PDE8B: variants seen among roughly 807,000 people sequenced by gnomAD.
PDE8B encodes phosphodiesterase 8B.
PDE8B carries 26 observed loss-of-function variants against 101.3 expected under a neutral mutation model. That is an observed-to-expected ratio of 0.26 (90% CI 0.19 to 0.36). The LOEUF (loss-of-function observed/expected upper bound fraction) is 0.36. PDE8B is among the 10% of genes least tolerant of loss of function. The pLI is 1.00. For missense variants in PDE8B, 810 were observed against 1,163.1 expected (o/e 0.70, Z 4.42); for synonymous variants, 424 against 429.3 (o/e 0.99, Z 0.15).
intron 1 of PDE8B, among the ~76,000 whole-genome samples, chr5:77,282,611 A>C (rs192000797): frequency 1.3e-5 from 2 of 152,074 alleles, no homozygotes; most frequent in East Asian, 2.0e-4. Flanking sequence ...AGAGCCTCCT[A>C]TCTGCTGCTC....
chr5:77,427,838 CTT>C lies in PDE8B; in HGVS notation c.*1286_*1287del, dbSNP rs1407450782. 4 of 152,136 alleles carry C rather than the reference CTT, an allele frequency of 2.6e-5. No individual in the cohort carries two copies. Among genetic ancestry groups the C allele is most frequent in the African/African-American group, 7.2e-5 (3 of 41,454 alleles). The allele number at this position is 152,136 out of a possible 1,614,324, so 9.4% of individuals were successfully genotyped here. A position where few individuals can be genotyped will look rare whatever the true frequency, so the allele number is the denominator to read the frequency against. On this transcript the variant is annotated 3_prime_UTR_variant, in exon 22 of 22. Coordinates refer to ENST00000264917, the MANE Select transcript of PDE8B (RefSeq NM_003719.5). ...GACTCCGTAAACAAACTTCATTTTT[CTT>C]TCTCTGTACTTCATGCTGCATTTTT...
At chr5:77,325,392 A>G (rs1488198900) in intron 2 of PDE8B, 147 bp from the exon 3 acceptor site, 1 of 744,972 alleles carries the variant, frequency 1.3e-6, no homozygotes, top group Non-Finnish European at 2.3e-6. Context: ...CTGGTCTTGA[A>G]CACCTGGGCT....
At chr5:77,397,869 G>A (rs1254824748) in intron 10 of PDE8B, among the ~76,000 whole-genome samples, 1 of 152,038 alleles carries the variant, frequency 6.6e-6, no homozygotes, top group East Asian at 1.9e-4. Context: ...TAGGTACAAG[G>A]TCAGCAACTC....
intron 10 of PDE8B, among the ~76,000 whole-genome samples, chr5:77,391,366 A>G (rs1433181015): frequency 6.6e-6 from 1 of 152,160 alleles, no homozygotes; most frequent in African/African-American, 2.4e-5. Flanking sequence ...AGGGTTCCTG[A>G]CGGCAGATGC....
At chr5:77,280,600 GC>G (rs1276941223) in intron 1 of PDE8B, among the ~76,000 whole-genome samples, 1 of 152,162 alleles carries the variant, frequency 6.6e-6, no homozygotes, top group Non-Finnish European at 1.5e-5. Context: ...CTGTTGGGTA[GC>G]AGTTCACAGA....
intron 1 of PDE8B, among the ~76,000 whole-genome samples, chr5:77,279,904 G>T (rs890464264): frequency 2.0e-5 from 3 of 152,142 alleles, no homozygotes; most frequent in African/African-American, 7.2e-5. Context: ...CTTGTCTTAT[G>T]CTGCACTTGA....
At chr5:77,129,727 G>A in the PDE8B span, among the ~76,000 whole-genome samples, 2 of 152,140 alleles carry the variant, frequency 1.3e-5, no homozygotes, top group African/African-American at 4.8e-5. Flanking sequence ...TTCTTGGACT[G>A]TGGGATGCGG....
intron 20 of PDE8B, among the ~76,000 whole-genome samples, chr5:77,424,248 C>T (rs866332778): frequency 6.6e-6 from 1 of 152,170 alleles, no homozygotes; most frequent in Non-Finnish European, 1.5e-5. Flanking sequence ...CGTACTACTC[C>T]TAGTTGTTCT....
the PDE8B span, chr5:77,113,233 A>G: frequency 6.6e-6 from 1 of 152,258 alleles, no homozygotes; most frequent in Non-Finnish European, 1.5e-5. Context: ...AGCAAAAAGA[A>G]CAAACCTGGA....
chr5:77,160,160 C>T, the PDE8B span, among the ~76,000 whole-genome samples: 2 of 152,086 alleles, frequency 1.3e-5, no homozygotes, highest in Non-Finnish European at 2.9e-5. Context: ...GAATATTGTA[C>T]CAATTTACAT....
chr5:77,412,502 C>A (rs1203530676), intron 16 of PDE8B, among the ~76,000 whole-genome samples: 1 of 151,964 alleles, frequency 6.6e-6, no homozygotes, highest in Admixed American at 6.5e-5. Context: ...TCTAAGAATC[C>A]TCAAACTTGT....
At chr5:77,140,229 A>C in the PDE8B span, 4 of 152,018 alleles carry the variant, frequency 2.6e-5, no homozygotes, top group Non-Finnish European at 5.9e-5. Context: ...ACCTTTTTTT[A>C]AATTTATTTT....
intron 1 of PDE8B, among the ~76,000 whole-genome samples, chr5:77,277,928 A>T (rs891315269): frequency 6.6e-6 from 1 of 152,236 alleles, no homozygotes; most frequent in South Asian, 2.1e-4. Flanking sequence ...TAAGATGTAC[A>T]TAGAATGTAT....
Position 77,370,372 on chromosome 5 carries a change from G to A in PDE8B, c.1167+16966G>A, listed in dbSNP as rs1054756772. Reference sequence around the variant, plus strand: ...AGCTGATTTTATCCACCATAGATTAGTTTTGCCTGTTCTAGAATTTCATCT... The same window carrying A: ...AGCTGATTTTATCCACCATAGATTAATTTTGCCTGTTCTAGAATTTCATCT... On this transcript the variant is annotated intron_variant, in intron 10 of 21. Transcript: ENST00000264917. 7.9e-5 allele frequency among the ~76,000 whole-genome samples: 12 copies of A among 152,130 alleles called. 1 individual carries two copies. Among genetic ancestry groups the A allele is most frequent in the Admixed American group, 7.9e-4 (12 of 15,262 alleles).
rs1489023968 is a variant in PDE8B at position 77,426,482 on chromosome 5, T to C, written c.2586T>C (p.Ala862=). ...TGCCAGCCCTGATGCAACATTTGGC[T>C]GACAACTACAAACACTGGAAGACAC... The part of the protein sequence containing the change: ...AHLPALMQHL[A]DNYKHWKTLD... Residue 862 remains alanine, a synonymous_variant, in exon 22 of 22, where the codon GCT becomes GCC. Coordinates refer to ENST00000264917, the MANE Select transcript of PDE8B (RefSeq NM_003719.5). 1.9e-6 allele frequency: 3 copies of C among 1,613,714 alleles called. No individual in the cohort carries two copies. The highest frequency in any genetic ancestry group is 1.3e-5 in the African/African-American group (1 of 74,914).
intron 10 of PDE8B, 100 bp from the exon 11 acceptor site, chr5:77,400,148 A>G (rs961195078): frequency 3.0e-5 from 25 of 837,280 alleles, no homozygotes; most frequent in Admixed American, 1.7e-4. Flanking sequence ...GCTTTCTTCA[A>G]GTCTTCAGAG....
chr5:77,192,378 CACTAG>C, the PDE8B span, among the ~76,000 whole-genome samples: 2 of 152,154 alleles, frequency 1.3e-5, no homozygotes, highest in Non-Finnish European at 2.9e-5. Context: ...CCTTCCATTC[CACTAG>C]ACTAGAGTTG....
the PDE8B span, among the ~76,000 whole-genome samples, chr5:77,097,701 ATATATC>A: frequency 8.4e-3 from 181 of 21,636 alleles, 11 homozygotes; most frequent in South Asian, 0.038. Context: ...ATCTATATAT[ATATATC>A]TATATATATA....
chr5:77,349,377 C>T lies in PDE8B; in HGVS notation c.877-42C>T, dbSNP rs1414453498. 4 of 1,612,776 alleles carry T rather than the reference C, an allele frequency of 2.5e-6. No individual in the cohort carries two copies. The African/African-American group carries it at 5.3e-5, about 22-fold the overall frequency. ...CACACAGACATTTCATGAATTCTGT[C>T]TTGTGTCCCCGCACTGATCTGTACC... On this transcript the variant is annotated intron_variant, in intron 7 of 21. Transcript: ENST00000264917.
Sources: allele counts gnomAD v4.1 joint callset (sites outside exome capture counted in the v4.1 genomes callset), GRCh38; gene constraint gnomAD v4.1.1; transcripts MANE v1.5; gene names NCBI Gene and HGNC (gene_info 2026-07-23, HGNC 2026-07-21).